Variants in GADL1 observed in about 807,000 individuals in gnomAD.
GADL1 encodes the protein GAD like acidic amino acid decarboxylase 1.
GADL1 carries 71 observed loss-of-function variants against 69.5 expected under a neutral mutation model. The ratio of observed to expected loss-of-function variants is 1.02; its 90% CI spans 0.84 to 1.25. GADL1 has a LOEUF of 1.25. Among genes scored for constraint, GADL1 ranks in the 50% most tolerant of loss-of-function variants. The pLI, the probability that GADL1 is intolerant of heterozygous loss-of-function variation, is 0.00. For missense variants in GADL1, 737 were observed against 631.8 expected (o/e 1.17, Z -1.79); for synonymous variants, 254 against 214.4 (o/e 1.18, Z -1.62).
chr3:30,844,981 G>A (rs1376876152), intron 6 of GADL1, among the ~76,000 whole-genome samples: 52 of 152,096 alleles, frequency 3.4e-4, no homozygotes, highest in African/African-American at 1.2e-3. Flanking sequence ...TAAGGAGAGG[G>A]CAAGACTCTA....
At position 30,793,151 on chromosome 3, in the gene GADL1, A is replaced by G. The variant is rs927026884; in HGVS notation, c.1251-6745T>C. On this transcript the variant is annotated intron_variant, in intron 12 of 14. Coordinates refer to ENST00000282538, the MANE Select transcript of GADL1 (RefSeq NM_207359.3). ...GGAACTATTTTTTGAGGGATGATCT[A>G]TTAAGATCTCTTGGAAGTCTACTGG... is the stretch of plus-strand genomic sequence containing the variant. Among the ~76,000 whole-genome samples the G allele has an allele frequency of 6.6e-5, 10 of 152,156 alleles. No homozygotes were observed. In the East Asian group the frequency reaches 1.9e-3, roughly 29 times the overall value.
At chr3:30,754,186 T>G (rs568281654) in intron 14 of GADL1, among the ~76,000 whole-genome samples, 167 of 152,308 alleles carry the variant, frequency 1.1e-3, no homozygotes, top group African/African-American at 3.9e-3. Context: ...GAAGTATGGC[T>G]TCATCCTTTT....
intron 14 of GADL1, among the ~76,000 whole-genome samples, chr3:30,755,386 T>A (rs1279206689): frequency 6.6e-6 from 1 of 152,198 alleles, no homozygotes; most frequent in Non-Finnish European, 1.5e-5. Context: ...AACTTGTTTT[T>A]CTATGTAGAT....
At chr3:30,756,730 C>A (rs1487873287) in intron 14 of GADL1, among the ~76,000 whole-genome samples, 1 of 152,160 alleles carries the variant, frequency 6.6e-6, no homozygotes, top group Admixed American at 6.5e-5. Flanking sequence ...CCAGATGAGG[C>A]CATCCTTGTC....
At chr3:30,879,496 G>GA (rs1293473197) in intron 1 of GADL1, among the ~76,000 whole-genome samples, 14 of 151,852 alleles carry the variant, frequency 9.2e-5, no homozygotes, top group African/African-American at 3.4e-4. Flanking sequence ...GCTTTGATAA[G>GA]TCTGCAAGGT....
At chr3:30,825,786 A>AGGG (rs1697671725) in intron 11 of GADL1, among the ~76,000 whole-genome samples, 1 of 151,814 alleles carries the variant, frequency 6.6e-6, no homozygotes, top group Non-Finnish European at 1.5e-5. Context: ...GTGGGGAACA[A>AGGG]GGGGAGGGAG....
At chr3:30,856,075 G>A (rs1238573643) in intron 3 of GADL1, among the ~76,000 whole-genome samples, 2 of 151,906 alleles carry the variant, frequency 1.3e-5, no homozygotes, top group Admixed American at 1.3e-4. Flanking sequence ...CTGCACTTTT[G>A]ACATGCACTG....
intron 12 of GADL1, among the ~76,000 whole-genome samples, chr3:30,796,136 T>C (rs751535259): frequency 1.3e-5 from 2 of 152,162 alleles, no homozygotes; most frequent in Non-Finnish European, 2.9e-5. Context: ...TCATAAAATA[T>C]CTATAACCTT....
chr3:30,763,239 C>CT (rs1696184767), intron 14 of GADL1, among the ~76,000 whole-genome samples: 1 of 152,152 alleles, frequency 6.6e-6, no homozygotes, highest in African/African-American at 2.4e-5. Context: ...TGGCTCACGC[C>CT]TGTAATCCCA....
intron 1 of GADL1, among the ~76,000 whole-genome samples, chr3:30,887,635 C>G (rs998071018): frequency 6.6e-6 from 1 of 151,848 alleles, no homozygotes; most frequent in Non-Finnish European, 1.5e-5. Context: ...TTGTTATAAG[C>G]AAGAGAAAAG....
chr3:30,750,010 A>T (rs1320301867), intron 14 of GADL1, among the ~76,000 whole-genome samples: 2 of 152,198 alleles, frequency 1.3e-5, no homozygotes, highest in African/African-American at 4.8e-5. Context: ...TTTTGCTGTC[A>T]TTCAATCAGC....
intron 11 of GADL1, among the ~76,000 whole-genome samples, chr3:30,826,115 A>T (rs1189975479): frequency 6.6e-6 from 1 of 151,774 alleles, no homozygotes; most frequent in African/African-American, 2.4e-5. Flanking sequence ...CTTTAATCTT[A>T]TGTCTCTTCC....
At chr3:30,885,687 C>T (rs970535232) in intron 1 of GADL1, among the ~76,000 whole-genome samples, 4 of 151,636 alleles carry the variant, frequency 2.6e-5, no homozygotes, top group Non-Finnish European at 2.9e-5. Flanking sequence ...TCTATATAAA[C>T]TATCTTTCAA....
At chr3:30,786,234 C>T (rs1405832101) in intron 13 of GADL1, 121 bp downstream of exon 13, 2 of 693,986 alleles carry the variant, frequency 2.9e-6, no homozygotes, top group Non-Finnish European at 5.2e-6. Context: ...ATGAATTAAG[C>T]TAATGACTTG....
At chr3:30,752,165 GCT>G (rs1204944444) in intron 14 of GADL1, among the ~76,000 whole-genome samples, 2 of 148,528 alleles carry the variant, frequency 1.3e-5, no homozygotes, top group Admixed American at 1.3e-4. Context: ...AGAAGATGCG[GCT>G]CTGATGTAGT....
At chr3:30,809,837 A>G (rs1260623778) in intron 11 of GADL1, among the ~76,000 whole-genome samples, 2 of 152,242 alleles carry the variant, frequency 1.3e-5, no homozygotes, top group Non-Finnish European at 2.9e-5. Flanking sequence ...AAATCATTGC[A>G]TAACATTCAT....
chr3:30,784,118 C>G (rs1696736063), intron 13 of GADL1, among the ~76,000 whole-genome samples: 1 of 152,174 alleles, frequency 6.6e-6, no homozygotes, highest in African/African-American at 2.4e-5. Context: ...GCTTAGCTAT[C>G]CACCACTAAA....
chr3:30,858,315 A>G (rs1016647792), intron 2 of GADL1, among the ~76,000 whole-genome samples: 1 of 152,060 alleles, frequency 6.6e-6, no homozygotes, highest in African/African-American at 2.4e-5. Context: ...TAAGGAAGCC[A>G]TTAAAATGTT....
At chr3:30,799,200 G>T (rs1697111828) in intron 12 of GADL1, 1 of 152,200 alleles carries the variant, frequency 6.6e-6, no homozygotes, top group East Asian at 1.9e-4. Flanking sequence ...CCTAGCAGAG[G>T]GTCTCCATGA....
Sources: gnomAD v4.1 joint callset for allele counts (sites outside exome capture counted in the v4.1 genomes callset) on GRCh38, gnomAD v4.1.1 for gene constraint, MANE v1.5 for transcripts, NCBI Gene and HGNC (gene_info 2026-07-23, HGNC 2026-07-21) for gene names.